Variants in FNIP1 observed in about 807,000 individuals in gnomAD.
FNIP1 encodes folliculin-interacting protein 1.
In FNIP1, 40 loss-of-function variants were observed where a neutral mutation model predicts 124.5. That is an observed-to-expected ratio of 0.32 (90% CI 0.25 to 0.42). The LOEUF is 0.42. Ranked by LOEUF, FNIP1 falls within the 10% of genes least tolerant of loss-of-function variation. The pLI is 1.00. For missense variants in FNIP1, 1,176 were observed against 1,403.7 expected (o/e 0.84, Z 2.59); for synonymous variants, 472 against 470.6 (o/e 1.00, Z -0.04).
chr5:131,696,752 A>G (rs998377283), intron 11 of FNIP1, among the ~76,000 whole-genome samples: 4 of 152,146 alleles, frequency 2.6e-5, no homozygotes, highest in African/African-American at 9.6e-5. Flanking sequence ...AATACCAAAA[A>G]ATAATATAAG....
intron 7 of FNIP1, among the ~76,000 whole-genome samples, chr5:131,710,183 A>G (rs1334867633): frequency 6.6e-6 from 1 of 151,524 alleles, no homozygotes; most frequent in African/African-American, 2.4e-5. Flanking sequence ...ATAACAAGAT[A>G]GGATAATTTT....
At chr5:131,740,912 C>G (rs1052197722) in intron 2 of FNIP1, among the ~76,000 whole-genome samples, 6 of 152,222 alleles carry the variant, frequency 3.9e-5, no homozygotes, top group Admixed American at 3.3e-4. Context: ...ATCCTCACTA[C>G]TACACTCCCA....
intron 1 of FNIP1, among the ~76,000 whole-genome samples, chr5:131,752,973 G>T (rs894959968): frequency 9.9e-5 from 15 of 152,220 alleles, no homozygotes; most frequent in Non-Finnish European, 1.9e-4. Flanking sequence ...TTGGGAGGCT[G>T]AGGCAGGAGA....
chr5:131,704,413 A>C, intron 9 of FNIP1, 147 bp from the exon 10 acceptor site: 4 of 635,314 alleles, frequency 6.3e-6, no homozygotes, highest in Non-Finnish European at 1.0e-5. Flanking sequence ...ATATCTCTTT[A>C]AGAAATCTAC....
rs144757190 is a variant in FNIP1, at chr5:131,651,879, C to T, written c.3229G>A (p.Val1077Ile). 5 of 1,614,180 alleles carry T rather than the reference C, an allele frequency of 3.1e-6. No individual in the cohort carries two copies. Among genetic ancestry groups the T allele is most frequent in the Admixed American group, 1.7e-5 (1 of 60,020 alleles). The change falls in exon 16 of 18, where the codon GTA (valine) becomes ATA (isoleucine). Residue 1077 changes from valine (V) to isoleucine (I), a missense_variant. Physicochemically the swap from Val to Ile is conservative, Grantham distance 29 (BLOSUM62 3). This residue lies in a region of FNIP1 where 67 missense variants were observed against 115.2 expected (regional missense o/e 0.58). Transcript: ENST00000510461. Reference sequence around the variant, plus strand: ...TTGGAAACAAGACTGGAAACCAATACTTCCTTTCCCAATTTATTATCTGTC... The same window carrying T: ...TTGGAAACAAGACTGGAAACCAATATTTCCTTTCCCAATTTATTATCTGTC... ...RVTDNKLGKEVLVSSLVSNLL... is the reference protein window; with the variant it reads ...RVTDNKLGKEILVSSLVSNLL...
rs1293962428 is a variant in FNIP1, at chr5:131,644,776, G to C, written c.3423-13C>G. On this transcript the variant is annotated splice_polypyrimidine_tract_variant and intron_variant, in intron 17 of 17. Coordinates refer to ENST00000510461, the MANE Select transcript of FNIP1 (RefSeq NM_133372.3). ...ACTGGATTCAATCCTGAAATAAAGG[G>C]GAAAAAAATGTCAGTTTTGATTTTC... is the stretch of plus-strand genomic sequence containing the variant. 2.5e-6 allele frequency: 4 copies of C among 1,612,270 alleles called. No individual in the cohort carries two copies. In the Admixed American group the frequency reaches 6.7e-5, roughly 27 times the overall value.
intron 15 of FNIP1, among the ~76,000 whole-genome samples, chr5:131,663,800 A>G (rs138497384): frequency 6.6e-6 from 1 of 152,374 alleles, no homozygotes; most frequent in East Asian, 1.9e-4. Context: ...GTTTCTCACC[A>G]AAAATAAAAT....
chr5:131,779,621 G>A (rs539851201), intron 1 of FNIP1, among the ~76,000 whole-genome samples: 24 of 151,026 alleles, frequency 1.6e-4, no homozygotes, highest in African/African-American at 5.3e-4. Context: ...CTGGGAGGCA[G>A]AGCTTGCAGT....
chr5:131,766,267 C>G (rs1368455260), intron 1 of FNIP1, among the ~76,000 whole-genome samples: 3 of 152,028 alleles, frequency 2.0e-5, no homozygotes, highest in African/African-American at 7.2e-5. Context: ...GTCTCAAACT[C>G]CTGGTCTCAA....
At chr5:131,728,812 G>A (rs537617316) in intron 3 of FNIP1, among the ~76,000 whole-genome samples, 43 of 152,234 alleles carry the variant, frequency 2.8e-4, no homozygotes, top group African/African-American at 1.0e-3. Flanking sequence ...TCCTCACTTC[G>A]TGTATTTATC....
intron 16 of FNIP1, among the ~76,000 whole-genome samples, chr5:131,647,482 T>G (rs923623591): frequency 2.0e-5 from 3 of 151,912 alleles, no homozygotes; most frequent in African/African-American, 7.3e-5. Context: ...TTTTGTTTGT[T>G]TTTTGTTTTT....
chr5:131,765,326 T>C (rs946940866), intron 1 of FNIP1, among the ~76,000 whole-genome samples: 2 of 152,216 alleles, frequency 1.3e-5, no homozygotes, highest in East Asian at 3.8e-4. Flanking sequence ...TTGATTCATA[T>C]TACATGGGTT....
At chr5:131,660,393 G>T (rs889068749) in intron 15 of FNIP1, among the ~76,000 whole-genome samples, 4 of 152,140 alleles carry the variant, frequency 2.6e-5, no homozygotes, top group Non-Finnish European at 4.4e-5. Context: ...GGCATTTTGA[G>T]ATATCTTTCC....
chr5:131,712,825 T>C (rs1297768528), intron 6 of FNIP1, among the ~76,000 whole-genome samples: 1 of 152,220 alleles, frequency 6.6e-6, no homozygotes, highest in Non-Finnish European at 1.5e-5. Context: ...ACTGCTTGCA[T>C]CTTGGACAAA....
chr5:131,747,361 T>C (rs771500555), intron 1 of FNIP1, among the ~76,000 whole-genome samples: 1 of 152,228 alleles, frequency 6.6e-6, no homozygotes, highest in Non-Finnish European at 1.5e-5. Flanking sequence ...TTGGTTTTCT[T>C]CTGTCTAATC....
chr5:131,714,458 T>A (rs977058178), intron 6 of FNIP1, among the ~76,000 whole-genome samples: 1 of 152,196 alleles, frequency 6.6e-6, no homozygotes, highest in Admixed American at 6.5e-5. Context: ...CCAACACACC[T>A]GCACTGGTGC....
At chr5:131,701,269 T>C (rs974426416) in intron 10 of FNIP1, among the ~76,000 whole-genome samples, 1 of 152,216 alleles carries the variant, frequency 6.6e-6, no homozygotes, top group Non-Finnish European at 1.5e-5. Flanking sequence ...AAAGGGTCCC[T>C]GGTTGCCAAA....
chr5:131,678,307 T>C (rs568907102), intron 12 of FNIP1, among the ~76,000 whole-genome samples: 1 of 152,320 alleles, frequency 6.6e-6, no homozygotes, highest in South Asian at 2.1e-4. Context: ...AACTGAATTA[T>C]TCATCTGGAT....
intron 1 of FNIP1, among the ~76,000 whole-genome samples, chr5:131,757,510 G>C (rs1420926621): frequency 6.6e-6 from 1 of 152,134 alleles, no homozygotes; most frequent in Non-Finnish European, 1.5e-5. Context: ...TTTCATGAGA[G>C]GACAAGAATA....
Sources: allele counts gnomAD v4.1 joint callset (sites outside exome capture counted in the v4.1 genomes callset), GRCh38; gene constraint gnomAD v4.1.1; regional missense constraint gnomAD v4.1.1; transcripts MANE v1.5; gene names NCBI Gene and HGNC (gene_info 2026-07-23, HGNC 2026-07-21).